AOPEP: variants seen among roughly 807,000 people sequenced by gnomAD.
AOPEP encodes the protein aminopeptidase O.
Under a neutral mutation model 98.1 loss-of-function variants are expected in AOPEP, and 77 were observed. That is an observed-to-expected ratio of 0.78 (90% CI 0.65 to 0.95). The LOEUF is 0.95. AOPEP is among the 40% of genes least tolerant of loss of function. The pLI is 0.00. For missense variants in AOPEP, 1,024 were observed against 1,024.7 expected, an observed-to-expected ratio of 1.00 and a Z score of 0.01; for synonymous variants, 346 against 365.3, an observed-to-expected ratio of 0.95 and a Z score of 0.60.
intron 7 of AOPEP, among the ~76,000 whole-genome samples, chr9:94,929,552 T>G (rs1000807042): frequency 2.6e-5 from 4 of 152,248 alleles, no homozygotes; most frequent in African/African-American, 9.6e-5. Flanking sequence ...AGTTGACTCA[T>G]CCATTGTTTC....
chr9:95,108,296 C>A, the AOPEP span, among the ~76,000 whole-genome samples: 1 of 152,242 alleles, frequency 6.6e-6, no homozygotes, highest in Non-Finnish European at 1.5e-5. Context: ...TCCAGCAGGG[C>A]AGGCCTCACT....
chr9:94,735,511 C>T (rs142598586), intron 1 of AOPEP, among the ~76,000 whole-genome samples: 138 of 152,272 alleles, frequency 9.1e-4, no homozygotes, highest in African/African-American at 3.2e-3. Context: ...TGAGCCACCG[C>T]GCCCGGCCAA....
At chr9:94,996,391 T>A (rs7048237) in intron 11 of AOPEP, among the ~76,000 whole-genome samples, 17,728 of 144,318 alleles carry the variant, frequency 0.12, 1,520 homozygotes, top group African/African-American at 0.24. Flanking sequence ...TGTGTGTGTG[T>A]GAGAGAGAGA....
At chr9:94,882,698 C>T (rs1032873734) in intron 5 of AOPEP, among the ~76,000 whole-genome samples, 1 of 152,216 alleles carries the variant, frequency 6.6e-6, no homozygotes, top group South Asian at 2.1e-4. Context: ...ATCTCTTGAA[C>T]GCAGAAGGCG....
intron 5 of AOPEP, among the ~76,000 whole-genome samples, chr9:94,815,450 T>A (rs1851499679): frequency 6.6e-6 from 1 of 152,180 alleles, no homozygotes; most frequent in Non-Finnish European, 1.5e-5. Flanking sequence ...AGTTGCCATG[T>A]CAAGAGTCAC....
chr9:95,012,043 T>G (rs1232731573), intron 13 of AOPEP, among the ~76,000 whole-genome samples: 1 of 152,202 alleles, frequency 6.6e-6, no homozygotes, highest in East Asian at 1.9e-4. Flanking sequence ...ATTACATGTA[T>G]CAGATCATGT....
chr9:94,991,231 C>CT (rs764521254), intron 11 of AOPEP, among the ~76,000 whole-genome samples: 1 of 152,166 alleles, frequency 6.6e-6, no homozygotes, highest in Non-Finnish European at 1.5e-5. Flanking sequence ...ACAGTCAGGG[C>CT]TTTTTTTCCT....
chr9:94,742,953 A>G (rs1833501674), intron 1 of AOPEP, among the ~76,000 whole-genome samples: 1 of 152,076 alleles, frequency 6.6e-6, no homozygotes, highest in South Asian at 2.1e-4. Flanking sequence ...CTGGATAGCA[A>G]GTTGAATCCT....
chr9:95,081,556 GGCCTGAGGCCT>G (rs2069780849), intron 15 of AOPEP, among the ~76,000 whole-genome samples: 3 of 152,242 alleles, frequency 2.0e-5, no homozygotes, highest in Admixed American at 6.5e-5. Context: ...CAGCCAGTGA[GGCCTGAGGCCT>G]CATTATTCCT....
At chr9:94,812,525 A>T (rs1044432343) in intron 5 of AOPEP, among the ~76,000 whole-genome samples, 3 of 152,052 alleles carry the variant, frequency 2.0e-5, no homozygotes, top group African/African-American at 7.2e-5. Flanking sequence ...TTTGGCACAC[A>T]TCCTGCCCTG....
the AOPEP span, chr9:95,135,464 A>G: frequency 5.0e-6 from 8 of 1,614,140 alleles, no homozygotes; most frequent in Non-Finnish European, 5.9e-6. Flanking sequence ...CCGAAGCCAG[A>G]GGCAGACTAC....
intron 5 of AOPEP, among the ~76,000 whole-genome samples, chr9:94,836,033 A>G (rs1043671070): frequency 6.6e-6 from 1 of 152,204 alleles, no homozygotes; most frequent in East Asian, 1.9e-4. Flanking sequence ...CCTACAGAAG[A>G]AAGGACCTTG....
chr9:95,092,712 G>C, the AOPEP span, among the ~76,000 whole-genome samples: 1 of 152,202 alleles, frequency 6.6e-6, no homozygotes, highest in African/African-American at 2.4e-5. Context: ...GTCAGACCCT[G>C]ACTCACTGCC....
chr9:94,955,267 G>A lies in AOPEP; in HGVS notation c.1752G>A (p.Val584=). ...ATCCGGAGAAGATCTTCATGCAGGT[G>A]CATTATTTAAAGGTAAGCACATGTC... ...GLNPEKIFMQ[V]HYLKGYFLLR... Residue 584 remains valine (V), a synonymous_variant, in exon 8 of 17, where the codon GTG becomes GTA. Coordinates refer to ENST00000375315, the MANE Select transcript of AOPEP (RefSeq NM_001193329.3). 6.2e-7 allele frequency: 1 copy of A among 1,610,252 alleles called. No homozygotes were observed. The highest frequency in any genetic ancestry group is 8.5e-7 in the Non-Finnish European group (1 of 1,177,400).
chr9:95,107,536 A>G, the AOPEP span: 1 of 558,412 alleles, frequency 1.8e-6, no homozygotes, highest in Non-Finnish European at 3.2e-6. Context: ...AAAAGGAAAC[A>G]GAGAAAAGTT....
chr9:95,106,975 A>C, the AOPEP span: 1 of 1,258,482 alleles, frequency 7.9e-7, no homozygotes, highest in Non-Finnish European at 1.1e-6. Flanking sequence ...TGGTACACAC[A>C]CTGTGCAGAG....
chr9:95,009,239 C>T (rs2062291425), intron 13 of AOPEP, among the ~76,000 whole-genome samples: 2 of 151,346 alleles, frequency 1.3e-5, no homozygotes, highest in Non-Finnish European at 2.9e-5. Flanking sequence ...TTAGCTGATT[C>T]AAAGATAAAA....
At chr9:95,102,070 C>T in the AOPEP span, among the ~76,000 whole-genome samples, 10 of 152,312 alleles carry the variant, frequency 6.6e-5, no homozygotes, top group African/African-American at 1.9e-4. Context: ...CATTTCCTAA[C>T]GAGCCTCCTC....
chr9:94,805,790 A>T (rs897872368), intron 5 of AOPEP, among the ~76,000 whole-genome samples: 1 of 151,262 alleles, frequency 6.6e-6, no homozygotes, highest in Non-Finnish European at 1.5e-5. Flanking sequence ...CTTTTCCTCC[A>T]CTCCCTCCTC....
Sources: gnomAD v4.1 joint callset for allele counts (sites outside exome capture counted in the v4.1 genomes callset) on GRCh38, gnomAD v4.1.1 for gene constraint, MANE v1.5 for transcripts, NCBI Gene and HGNC (gene_info 2026-07-23, HGNC 2026-07-21) for gene names.